Variants in NMUR1 observed in about 807,000 individuals in gnomAD.
NMUR1 encodes the protein neuromedin U receptor 1.
NMUR1 carries 16 observed loss-of-function variants against 18.8 expected under a neutral mutation model. That is an observed-to-expected ratio of 0.85 (90% CI 0.58 to 1.29). The LOEUF is 1.29. NMUR1 is among the 50% of genes most tolerant of loss of function. The pLI, the probability that NMUR1 is intolerant of heterozygous loss-of-function variation, is 0.00. For missense variants in NMUR1, 529 were observed against 580.3 expected (o/e 0.91, Z 0.91); for synonymous variants, 258 against 258.2 (o/e 1.00, Z 0.01).
chr2:231,521,522 G>A (rs1372569425), downstream of NMUR1, among the ~76,000 whole-genome samples: 1 of 152,144 alleles, frequency 6.6e-6, no homozygotes, highest in Non-Finnish European at 1.5e-5. Flanking sequence ...ACTGGGGTGG[G>A]GTCTCCAGAG....
At chr2:231,529,153 T>C (rs1575290227) in intron 1 of NMUR1, 136 bp from the exon 2 acceptor site, 1 of 860,804 alleles carries the variant, frequency 1.2e-6, no homozygotes, top group Non-Finnish European at 1.7e-6. Context: ...AAAAAACTCT[T>C]CCATCCACAA....
intron 2 of NMUR1, among the ~76,000 whole-genome samples, chr2:231,526,842 C>T (rs1188096048): frequency 6.6e-6 from 1 of 152,034 alleles, no homozygotes; most frequent in Non-Finnish European, 1.5e-5. Context: ...GGCTTAGTAT[C>T]AGTTTGTCTT....
At position 231,525,021 on chromosome 2, in the gene NMUR1, T is replaced by C; in HGVS notation, c.*22A>G. On this transcript the variant is annotated 3_prime_UTR_variant, in exon 3 of 3. Transcript: ENST00000305141. Reference sequence around the variant, plus strand: ...CAGGTGACCCTCTGGCCCCTCCAGGTGAAGCCACTTTAAGGCTCCACTCAG... The same window carrying C: ...CAGGTGACCCTCTGGCCCCTCCAGGCGAAGCCACTTTAAGGCTCCACTCAG... The C allele has an allele frequency of 6.6e-7, 1 of 1,526,448 alleles. No homozygotes were observed. Among genetic ancestry groups the C allele is most frequent in the Non-Finnish European group, 8.8e-7 (1 of 1,141,086 alleles). 94.6% of individuals were successfully genotyped at this position (1,526,448 alleles called of 1,614,324 possible).
chr2:231,523,767 GC>G lies in NMUR1; in HGVS notation c.*1275del, dbSNP rs1320739264. On this transcript the variant is annotated 3_prime_UTR_variant, in exon 3 of 3. Transcript: ENST00000305141. ...TGAGTCCTGGCTGAGCAATGACTTG[GC>G]CTGCAGGGATTCAGAATGGGGCTCA... 3 of 152,798 alleles carry G rather than the reference GC, an allele frequency of 2.0e-5. No individual in the cohort carries two copies. Among genetic ancestry groups the G allele is most frequent in the Admixed American group, 2.0e-4 (3 of 15,298 alleles). The allele number at this position is 152,798 out of a possible 1,614,324, so 9.5% of individuals were successfully genotyped here. A position where few individuals can be genotyped will look rare whatever the true frequency, so the allele number is the denominator to read the frequency against.
chr2:231,521,778 T>C (rs1046646453), downstream of NMUR1, among the ~76,000 whole-genome samples: 3 of 152,114 alleles, frequency 2.0e-5, no homozygotes, highest in Non-Finnish European at 2.9e-5. Context: ...CCAAGGAGAA[T>C]GCAGCCCCAG....
intron 2 of NMUR1, 117 bp downstream of exon 2, chr2:231,528,005 TA>T: frequency 1.2e-6 from 1 of 824,274 alleles, no homozygotes; most frequent in Non-Finnish European, 1.7e-6. Flanking sequence ...CACACGAGAC[TA>T]GAGGAGTTCC....
Position 231,529,011 on chromosome 2 carries a change from G to A in NMUR1, c.10C>T (p.Leu4Phe). The change falls in exon 2 of 3, where the codon CTC becomes TTC. Residue 4 changes from leucine (L) to phenylalanine (F), a missense_variant. Coordinates refer to ENST00000305141, the MANE Select transcript of NMUR1 (RefSeq NM_006056.5). MTP[L>F]CLNCSVLPGD... ...GGGAGGACAGAGCAATTGAGGCAGA[G>A]AGGAGTCTGTGGAACAGAGGGGAGA... 1 of 1,603,130 alleles carries A rather than the reference G, an allele frequency of 6.2e-7. No homozygotes were observed. The highest frequency in any genetic ancestry group is 8.5e-7 in the Non-Finnish European group (1 of 1,172,670).
In NMUR1 at chr2:231,524,704, C is replaced by T. The variant is rs536055366; in HGVS notation, c.*339G>A. ...AAGGACAGTGAGGACCCAGTGGGAC[C>T]GTTTCAGAAACTGGCAGTGGTGGCA... On this transcript the variant is annotated 3_prime_UTR_variant, in exon 3 of 3. Coordinates refer to ENST00000305141, the MANE Select transcript of NMUR1 (RefSeq NM_006056.5). 1.8e-4 allele frequency: 47 copies of T among 261,692 alleles called. No homozygotes were observed. The highest frequency in any genetic ancestry group is 9.8e-4 in the African/African-American group (45 of 45,778). 16.2% of individuals were successfully genotyped at this position (261,692 alleles called of 1,614,324 possible).
Position 231,525,053 on chromosome 2 carries a change from T to A in NMUR1, c.1271A>T (p.Asp424Val). The change falls in exon 3 of 3, where the codon GAT becomes GTT. Residue 424 changes from aspartate (D) to valine (V), a missense_variant. Physicochemically the swap from Asp to Val is radical, Grantham distance 152. Transcript: ENST00000305141. ...NDGPEAQQET[D>V]PS Reference sequence around the variant, plus strand: ...ACTTTAAGGCTCCACTCAGGATGGATCGGTCTCTTGCTGCGCCTCTGGGCC... The same window carrying A: ...ACTTTAAGGCTCCACTCAGGATGGAACGGTCTCTTGCTGCGCCTCTGGGCC... 1 of 1,575,092 alleles carries A rather than the reference T, an allele frequency of 6.3e-7. No homozygotes were observed. Among genetic ancestry groups the A allele is most frequent in the Non-Finnish European group, 8.6e-7 (1 of 1,161,202 alleles).
downstream of NMUR1, among the ~76,000 whole-genome samples, chr2:231,519,518 G>A (rs2047290164): frequency 6.6e-6 from 1 of 152,238 alleles, no homozygotes; most frequent in African/African-American, 2.4e-5. Flanking sequence ...TTGGAACGAT[G>A]TTGCAGACTG....
chr2:231,525,351 G>A lies in NMUR1; in HGVS notation c.973C>T (p.Gln325Ter), dbSNP rs752411003. 1.2e-6 allele frequency: 2 copies of A among 1,613,208 alleles called. No individual in the cohort carries two copies. The highest frequency in any genetic ancestry group is 2.7e-5 in the African/African-American group (2 of 74,630). ...GCCAGGTGCAGGCCATCTGTCCACTGTGACACGACGCTCCACATGACGCGG... is the reference window on the plus strand; with the variant it reads ...GCCAGGTGCAGGCCATCTGTCCACTATGACACGACGCTCCACATGACGCGG... ...ADRVMWSVVS[Q>*]WTDGLHLAFQ... Residue 325 changes from glutamine (Q) to a stop codon, truncating the protein, a stop_gained, in exon 3 of 3, where the codon CAG becomes TAG. Coordinates refer to ENST00000305141, the MANE Select transcript of NMUR1 (RefSeq NM_006056.5). LOFTEE classifies it low-confidence loss of function (END_TRUNC).
intron 2 of NMUR1, among the ~76,000 whole-genome samples, chr2:231,527,302 C>T (rs2047365941): frequency 6.6e-6 from 1 of 152,188 alleles, no homozygotes; most frequent in Admixed American, 6.5e-5. Flanking sequence ...TGCCGGTGGC[C>T]ATGCCTCACA....
At position 231,524,908 on chromosome 2, in the gene NMUR1, T is replaced by A; in HGVS notation, c.*135A>T. ...CCTGCTGTTTCCCTCTGAGGGAAAC[T>A]GAGGTGCTGGTCAGAATTTCTAGGC... On this transcript the variant is annotated 3_prime_UTR_variant, in exon 3 of 3. Transcript: ENST00000305141. 8.5e-7 allele frequency: 1 copy of A among 1,182,806 alleles called. No homozygotes were observed. The highest frequency in any genetic ancestry group is 1.2e-6 in the Non-Finnish European group (1 of 864,302). 73.3% of individuals were successfully genotyped at this position (1,182,806 alleles called of 1,614,324 possible). A position where few individuals can be genotyped will look rare whatever the true frequency, so the allele number is the denominator to read the frequency against.
At position 231,524,800 on chromosome 2, in the gene NMUR1, T is replaced by C. The variant is rs182649405; in HGVS notation, c.*243A>G. 1.5e-5 allele frequency: 7 copies of C among 465,552 alleles called. No individual in the cohort carries two copies. In the Admixed American group the frequency reaches 2.3e-4, roughly 15 times the overall value. 28.8% of individuals were successfully genotyped at this position (465,552 alleles called of 1,614,324 possible). On this transcript the variant is annotated 3_prime_UTR_variant, in exon 3 of 3. Coordinates refer to ENST00000305141, the MANE Select transcript of NMUR1 (RefSeq NM_006056.5). ...ATTTCTGCAGGGTAAGGATTTGAAC[T>C]GGGGGAGTGGCAGTGGACAGATAAG...
In NMUR1 at chr2:231,528,552, C is replaced by A. The variant is rs138003035; in HGVS notation, c.469G>T (p.Val157Leu). The change falls in exon 2 of 3, where the codon GTG becomes TTG. Residue 157 changes from valine (V) to leucine (L), a missense_variant. By Grantham distance (32) the Val-to-Leu change is conservative. Transcript: ENST00000305141. ...TGCACCACGGCCACATAGCGTTCCA[C>A]GCTCAGGGCAGTGACGTTGAGCACT... is the stretch of plus-strand genomic sequence containing the variant. ...ASVLNVTALS[V>L]ERYVAVVHPL... 2 of 1,613,926 alleles carry A rather than the reference C, an allele frequency of 1.2e-6. No homozygotes were observed. The highest frequency in any genetic ancestry group is 1.7e-5 in the Admixed American group (1 of 60,014).
chr2:231,529,327 G>C (rs2047392845), intron 1 of NMUR1, among the ~76,000 whole-genome samples: 1 of 152,162 alleles, frequency 6.6e-6, no homozygotes, highest in South Asian at 2.1e-4. Flanking sequence ...GGGCGTGGTA[G>C]CACACGCCTG....
chr2:231,526,753 C>T (rs999019636), intron 2 of NMUR1, among the ~76,000 whole-genome samples: 4 of 152,142 alleles, frequency 2.6e-5, no homozygotes, highest in Non-Finnish European at 5.9e-5. Flanking sequence ...ACCTGGCTCA[C>T]CCCACTGGCC....
intron 2 of NMUR1, 143 bp from the exon 3 acceptor site, chr2:231,525,568 A>G: frequency 1.0e-6 from 1 of 994,408 alleles, no homozygotes; most frequent in Non-Finnish European, 1.5e-6. Flanking sequence ...AAGTTTCTGG[A>G]AATTTGCCTG....
intron 2 of NMUR1, among the ~76,000 whole-genome samples, chr2:231,526,981 G>C (rs1358340237): frequency 6.6e-6 from 1 of 152,188 alleles, no homozygotes; most frequent in Non-Finnish European, 1.5e-5. Context: ...CTTGAGCCCG[G>C]CCTTCACAGA....
Sources: gnomAD v4.1 joint callset for allele counts (sites outside exome capture counted in the v4.1 genomes callset) on GRCh38, gnomAD v4.1.1 for gene constraint, MANE v1.5 for transcripts, NCBI Gene and HGNC (gene_info 2026-07-23, HGNC 2026-07-21) for gene names.